The following PLCG1 variants were observed in gnomAD, a reference collection of about 807,000 sequenced individuals.
PLCG1 encodes 1-phosphatidylinositol 4,5-bisphosphate phosphodiesterase gamma-1.
PLCG1 carries 71 observed loss-of-function variants against 177.8 expected under a neutral mutation model. That is an observed-to-expected ratio of 0.40 (90% confidence interval 0.33 to 0.49). The LOEUF is 0.49. PLCG1 is among the 20% of genes least tolerant of loss of function. The pLI is 0.72. For missense variants in PLCG1, 1,281 were observed against 1,709.0 expected (o/e 0.75, Z 4.42); for synonymous variants, 658 against 647.9 (o/e 1.02, Z -0.24).
intron 1 of PLCG1, among the ~76,000 whole-genome samples, chr20:41,155,546 A>G (rs1008254335): frequency 6.6e-6 from 1 of 152,218 alleles, no homozygotes; most frequent in Non-Finnish European, 1.5e-5. Context: ...TCTGTACACA[A>G]GTCTGTAAGA....
Position 41,170,159 on chromosome 20 carries a change from A to G in PLCG1, c.2698A>G (p.Ser900Gly). Residue 900 changes from serine (S) to glycine (G), a missense_variant, in exon 24 of 32, where the codon AGC (serine) becomes GGC (glycine). Physicochemically the swap from Ser to Gly is moderately conservative, Grantham distance 56. Coordinates refer to ENST00000685551, the MANE Select transcript of PLCG1 (RefSeq NM_002660.3). The part of the protein sequence containing the change: ...KNNRLFVFSI[S>G]MASVAHWSLD... ...CAACCGGCTCTTCGTCTTCTCCATC[A>G]GCATGGCGTCGGTGGCCCACTGGTC... 1 of 1,614,020 alleles carries G rather than the reference A, an allele frequency of 6.2e-7. No individual in the cohort carries two copies. Among genetic ancestry groups the G allele is most frequent in the African/African-American group, 1.3e-5 (1 of 75,050 alleles).
chr20:41,164,149 A>G lies in PLCG1; in HGVS notation c.1165A>G (p.Lys389Glu), dbSNP rs965746778. Residue 389 changes from lysine (K) to glutamate (E), a missense_variant, in exon 12 of 32, where the codon AAG becomes GAG. This residue lies in a region of PLCG1 where 723 missense variants were observed against 1,030.0 expected (regional missense o/e 0.70). Coordinates refer to ENST00000685551, the MANE Select transcript of PLCG1 (RefSeq NM_002660.3). The surrounding 1 kb of genome is among the most constrained non-coding windows in gnomAD (Gnocchi z 6.4). The stretch of plus-strand genomic sequence containing the variant: ...TGGGCACACCCTTACCACCAAGATC[A>G]AGTTCTCAGATGTCCTGCACACCAT... ...YHGHTLTTKI[K>E]FSDVLHTIKE... The G allele has an allele frequency of 6.2e-7, 1 of 1,614,104 alleles. No individual in the cohort carries two copies. The highest frequency in any genetic ancestry group is 8.5e-7 in the Non-Finnish European group (1 of 1,180,016).
chr20:41,165,565 T>C lies in PLCG1; in HGVS notation c.1611+14T>C. 6.2e-7 allele frequency: 1 copy of C among 1,611,874 alleles called. No individual in the cohort carries two copies. The highest frequency in any genetic ancestry group is 8.5e-7 in the Non-Finnish European group (1 of 1,177,968). ...GAGCCCAAGGAGGTGAGGAACCAGCTCAGGTCTGGGGGCTGGGCCAGGTCA... is the reference window on the plus strand; with the variant it reads ...GAGCCCAAGGAGGTGAGGAACCAGCCCAGGTCTGGGGGCTGGGCCAGGTCA... On this transcript the variant is annotated intron_variant, in intron 15 of 31. Transcript: ENST00000685551. The surrounding 1 kb of genome is among the most constrained non-coding windows in gnomAD (Gnocchi z 6.6).
At position 41,163,503 on chromosome 20, in the gene PLCG1, T is replaced by C. The variant is rs768468672; in HGVS notation, c.891+24T>C. ...AGGTGAGCCCGATGTTTCACCCATT[T>C]TTTGTCAAGAGAATGAGTAGGGGTG... On this transcript the variant is annotated intron_variant, in intron 9 of 31. Coordinates refer to ENST00000685551, the MANE Select transcript of PLCG1 (RefSeq NM_002660.3). This position sits in a 1 kb window ranked among gnomAD's most constrained non-coding sequence, Gnocchi z 5.2. 1 of 1,553,760 alleles carries C rather than the reference T, an allele frequency of 6.4e-7. No individual in the cohort carries two copies. The highest frequency in any genetic ancestry group is 8.9e-7 in the Non-Finnish European group (1 of 1,127,850).
chr20:41,142,976 AGAGGCAAG>A (rs1183417372), intron 1 of PLCG1, among the ~76,000 whole-genome samples: 1 of 152,172 alleles, frequency 6.6e-6, no homozygotes, highest in Non-Finnish European at 1.5e-5. Flanking sequence ...CCTTTGATTC[AGAGGCAAG>A]GAGGCCCGCC....
chr20:41,161,060 A>G (rs2035479167), intron 4 of PLCG1, among the ~76,000 whole-genome samples: 1 of 152,158 alleles, frequency 6.6e-6, no homozygotes, highest in African/African-American at 2.4e-5. Context: ...GAGTATGTAG[A>G]TAACACTGAA....
At position 41,170,240 on chromosome 20, in the gene PLCG1, C is replaced by G. The variant is rs759966114; in HGVS notation, c.2779C>G (p.Arg927Gly). Residue 927 changes from arginine (R) to glycine (G), a missense_variant, in exon 24 of 32, where the codon CGT (arginine) becomes GGT (glycine). Around this residue, in one of 4 missense-constraint regions of PLCG1, gnomAD observed 723 missense variants for 1,030.0 expected, o/e 0.70. Transcript: ENST00000685551. The part of the protein sequence containing the change: ...EELQDWVKKI[R>G]EVAQTADARL... Reference sequence around the variant, plus strand: ...GCTGCAGGACTGGGTGAAAAAGATCCGTGAAGTGGCCCAGACAGCAGACGC... The same window carrying G: ...GCTGCAGGACTGGGTGAAAAAGATCGGTGAAGTGGCCCAGACAGCAGACGC... 1.2e-6 allele frequency: 2 copies of G among 1,614,062 alleles called. No homozygotes were observed. The highest frequency in any genetic ancestry group is 1.1e-5 in the South Asian group (1 of 91,070).
At position 41,151,421 on chromosome 20, in the gene PLCG1, C is replaced by G. The variant is rs1473240702; in HGVS notation, c.218-8185C>G. On this transcript the variant is annotated intron_variant, in intron 1 of 31. Transcript: ENST00000685551. This position sits in a 1 kb window ranked among gnomAD's most constrained non-coding sequence, Gnocchi z 5.5. ...GCCCGCGGGTCTGGTTTGAAGGCAG[C>G]TGCTGCACAGTAATGGGAAGGACAG... Among the ~76,000 whole-genome samples the G allele has an allele frequency of 6.6e-6, 1 of 152,236 alleles. No homozygotes were observed.
At chr20:41,161,768 C>G (rs1454550445) in intron 4 of PLCG1, among the ~76,000 whole-genome samples, 2 of 151,894 alleles carry the variant, frequency 1.3e-5, no homozygotes, top group East Asian at 3.9e-4. Context: ...CCCCCTTCCC[C>G]CTTCTTGTCC....
Position 41,165,801 on chromosome 20 carries a change from G to T in PLCG1, c.1774G>T (p.Val592Leu). The T allele has an allele frequency of 1.9e-6, 3 of 1,594,516 alleles. No individual in the cohort carries two copies. Among genetic ancestry groups the T allele is most frequent in the African/African-American group, 1.3e-5 (1 of 74,516 alleles). Residue 592 changes from valine to leucine, a missense_variant, in exon 16 of 32, where the codon GTG (valine) becomes TTG (leucine). Around this residue, in one of 4 missense-constraint regions of PLCG1, gnomAD observed 723 missense variants for 1,030.0 expected, o/e 0.70. Transcript: ENST00000685551. This position sits in a 1 kb window ranked among gnomAD's most constrained non-coding sequence, Gnocchi z 6.6. ...SFLVRESETF[V>L]GDYTLSFWRN... ...CCTCGTGCGAGAGAGTGAGACCTTCGTGGGCGACTACACGCTCTCTTTCTG... is the reference window on the plus strand; with the variant it reads ...CCTCGTGCGAGAGAGTGAGACCTTCTTGGGCGACTACACGCTCTCTTTCTG...
At position 41,147,814 on chromosome 20, in the gene PLCG1, C is replaced by T. The variant is rs964379687; in HGVS notation, c.217+9956C>T. On this transcript the variant is annotated intron_variant, in intron 1 of 31. Transcript: ENST00000685551. The surrounding 1 kb of genome is among the most constrained non-coding windows in gnomAD (Gnocchi z 4.0). ...AGTGAGCCAAGATCGCGCCATTGCA[C>T]TCCAGCCTGGGTGACAGAGCAAGAC... Among the ~76,000 whole-genome samples the T allele has an allele frequency of 2.6e-5, 4 of 151,858 alleles. No individual in the cohort carries two copies. The South Asian group carries it at 8.3e-4, about 32-fold the overall frequency.
rs770633252 is a variant in PLCG1 at position 41,166,496 on chromosome 20, C to G, written c.2021C>G (p.Thr674Ser). The G allele has an allele frequency of 2.5e-6, 4 of 1,614,058 alleles. No homozygotes were observed. Among genetic ancestry groups the G allele is most frequent in the Admixed American group, 1.7e-5 (1 of 60,020 alleles). ...ESKEWYHASL[T>S]RAQAEHMLMR... ...CTCAGGTGGTACCACGCGAGCCTGA[C>G]CAGAGCACAGGCTGAGCACATGCTA... The change falls in exon 18 of 32, where the codon ACC (threonine) becomes AGC (serine). Residue 674 changes from threonine to serine, a missense_variant. Coordinates refer to ENST00000685551, the MANE Select transcript of PLCG1 (RefSeq NM_002660.3). The surrounding 1 kb of genome is among the most constrained non-coding windows in gnomAD (Gnocchi z 8.6).
chr20:41,176,131 T>C lies in PLCG1; in HGVS notation c.*1622T>C, dbSNP rs1244296216. The C allele has an allele frequency of 6.6e-6, 1 of 152,192 alleles. No individual in the cohort carries two copies. The highest frequency in any genetic ancestry group is 1.5e-5 in the Non-Finnish European group (1 of 68,030). 9.4% of individuals were successfully genotyped at this position (152,192 alleles called of 1,614,324 possible). On this transcript the variant is annotated 3_prime_UTR_variant, in exon 32 of 32. Transcript: ENST00000685551. ...AAATCTCTGGGCCCTTTCAACACAG[T>C]TGAAAGGCCCTTCTCTTCCTGAAGC...
chr20:41,143,400 C>G (rs1336722835), intron 1 of PLCG1, among the ~76,000 whole-genome samples: 1 of 152,192 alleles, frequency 6.6e-6, no homozygotes, highest in Non-Finnish European at 1.5e-5. Context: ...ATTTTTCCCC[C>G]TTTCCACTTG....
chr20:41,146,119 A>T lies in PLCG1; in HGVS notation c.217+8261A>T, dbSNP rs2034988225. 6.6e-6 allele frequency among the ~76,000 whole-genome samples: 1 copy of T among 152,186 alleles called. No individual in the cohort carries two copies. The highest frequency in any genetic ancestry group is 1.9e-4 in the East Asian group (1 of 5,184). On this transcript the variant is annotated intron_variant, in intron 1 of 31. Coordinates refer to ENST00000685551, the MANE Select transcript of PLCG1 (RefSeq NM_002660.3). The surrounding 1 kb of genome is among the most constrained non-coding windows in gnomAD (Gnocchi z 6.3). ...TTGGCCGGTGGCCCTGGCTTCAGCA[A>T]GACTCAGGATGCAGAGTAAACGGGG...
Position 41,173,321 on chromosome 20 carries a change from C to T in PLCG1, c.3280-99C>T, listed in dbSNP as rs761613803. 114 of 1,291,702 alleles carry T rather than the reference C, an allele frequency of 8.8e-5. No homozygotes were observed. The highest frequency in any genetic ancestry group is 1.1e-4 in the Non-Finnish European group (109 of 953,280). 80.0% of individuals were successfully genotyped at this position (1,291,702 alleles called of 1,614,324 possible). A position where few individuals can be genotyped will look rare whatever the true frequency, so the allele number is the denominator to read the frequency against. ...AGTGTCCCGGGGGCCCAGCAGAGGGCGCGCTGCCTCCACTCCACAGATGCT... is the reference window on the plus strand; with the variant it reads ...AGTGTCCCGGGGGCCCAGCAGAGGGTGCGCTGCCTCCACTCCACAGATGCT... On this transcript the variant is annotated intron_variant, in intron 27 of 31. Coordinates refer to ENST00000685551, the MANE Select transcript of PLCG1 (RefSeq NM_002660.3). This position sits in a 1 kb window ranked among gnomAD's most constrained non-coding sequence, Gnocchi z 6.2.
rs2035986260 is a variant in PLCG1 at position 41,174,078 on chromosome 20, G to T, written c.3646-46G>T. ...GAGAGCCAGGCAGCAGCCTCTAGAAGTGCAGAGGAGTCATTGACCCTCTTG... is the reference window on the plus strand; with the variant it reads ...GAGAGCCAGGCAGCAGCCTCTAGAATTGCAGAGGAGTCATTGACCCTCTTG... On this transcript the variant is annotated intron_variant, in intron 30 of 31. Transcript: ENST00000685551. This position sits in a 1 kb window ranked among gnomAD's most constrained non-coding sequence, Gnocchi z 5.8. 1.2e-6 allele frequency: 2 copies of T among 1,605,860 alleles called. No individual in the cohort carries two copies. Among genetic ancestry groups the T allele is most frequent in the South Asian group, 2.2e-5 (2 of 90,850 alleles).
rs1248500558 is a variant in PLCG1 at position 41,159,907 on chromosome 20, C to T, written c.408C>T (p.Gly136=). 1 of 1,614,032 alleles carries T rather than the reference C, an allele frequency of 6.2e-7. No homozygotes were observed. The highest frequency in any genetic ancestry group is 8.5e-7 in the Non-Finnish European group (1 of 1,180,032). The change falls in exon 3 of 32, where the codon GGC becomes GGT. Residue 136 remains glycine (G), a synonymous_variant. Transcript: ENST00000685551. This position sits in a 1 kb window ranked among gnomAD's most constrained non-coding sequence, Gnocchi z 6.0. ...SEDEVNMWIK[G]LTWLMEDTLQ... is the part of the protein sequence containing the mutation. ...ATGAAGTGAACATGTGGATCAAGGGCTTAACTTGGCTGATGGAGGATACAT... is the reference window on the plus strand; with the variant it reads ...ATGAAGTGAACATGTGGATCAAGGGTTTAACTTGGCTGATGGAGGATACAT...
chr20:41,175,706 C>T lies in PLCG1; in HGVS notation c.*1197C>T, dbSNP rs888061703. ...AAGATCTGACTGCCAAATAAATCAT[C>T]CTCATGTCCTTTTTCCTTTGACTTG... is the stretch of plus-strand genomic sequence containing the variant. On this transcript the variant is annotated 3_prime_UTR_variant, in exon 32 of 32. Transcript: ENST00000685551. The T allele has an allele frequency of 1.3e-5, 2 of 152,676 alleles. No homozygotes were observed. Among genetic ancestry groups the T allele is most frequent in the South Asian group, 2.1e-4 (1 of 4,832 alleles). 9.5% of individuals were successfully genotyped at this position (152,676 alleles called of 1,614,324 possible).
Sources: allele counts gnomAD v4.1 joint callset (sites outside exome capture counted in the v4.1 genomes callset), GRCh38; gene constraint gnomAD v4.1.1; regional missense constraint gnomAD v4.1.1; non-coding constraint Gnocchi (gnomAD v3.1); transcripts MANE v1.5; gene names NCBI Gene and HGNC (gene_info 2026-07-23, HGNC 2026-07-21).